CD276: variants seen among roughly 807,000 people sequenced by gnomAD.
CD276 encodes CD276 molecule, also known as CD276 antigen.
In CD276, 34 loss-of-function variants were observed where a neutral mutation model predicts 50.0. The ratio of observed to expected loss-of-function variants is 0.68; its 90% CI spans 0.52 to 0.91. The LOEUF is 0.91. Among genes scored for constraint, CD276 ranks in the 40% least tolerant of loss-of-function variants. CD276 has a pLI of 0.00. For synonymous variants in CD276, 275 were observed against 313.0 expected, an observed-to-expected ratio of 0.88 and a Z score of 1.28; for missense variants, 634 against 717.5, an observed-to-expected ratio of 0.88 and a Z score of 1.33.
In CD276 at chr15:73,704,317, C is replaced by T; in HGVS notation, c.1214C>T (p.Thr405Ile). 6.2e-7 allele frequency: 1 copy of T among 1,613,942 alleles called. No homozygotes were observed. Among genetic ancestry groups the T allele is most frequent in the Non-Finnish European group, 8.5e-7 (1 of 1,180,016 alleles). Residue 405 changes from threonine (T) to isoleucine (I), a missense_variant, in exon 6 of 10, where the codon ACT (threonine) becomes ATT (isoleucine). Coordinates refer to ENST00000318443, the MANE Select transcript of CD276 (RefSeq NM_001024736.2). The surrounding 1 kb of genome is among the most constrained non-coding windows in gnomAD (Gnocchi z 4.1). ...FWQDGQGVPL[T>I]GNVTTSQMAN... is the part of the protein sequence containing the mutation. ...CAGGATGGGCAGGGTGTGCCCCTGA[C>T]TGGCAACGTGACCACGTCGCAGATG...
chr15:73,703,973 G>T lies in CD276; in HGVS notation c.1048G>T (p.Ala350Ser). ...CFVSIRDFGS[A>S]AVSLQVAAPY... ...CGTGAGCATCCGGGATTTCGGCAGC[G>T]CTGCCGTCAGCCTGCAGGTGGCCGG... The change falls in exon 5 of 10, where the codon GCT becomes TCT. Residue 350 changes from alanine (A) to serine (S), a missense_variant. Physicochemically the swap from Ala to Ser is moderately conservative, Grantham distance 99. Transcript: ENST00000318443. 1.2e-6 allele frequency: 2 copies of T among 1,610,200 alleles called. No homozygotes were observed. Among genetic ancestry groups the T allele is most frequent in the Non-Finnish European group, 8.5e-7 (1 of 1,179,246 alleles).
At chr15:73,700,283 ACT>A (rs751196106) in intron 2 of CD276, among the ~76,000 whole-genome samples, 1 of 151,720 alleles carries the variant, frequency 6.6e-6, no homozygotes, top group Non-Finnish European at 1.5e-5. Context: ...AAACGATGTG[ACT>A]CTCCCCACAC....
chr15:73,695,031 T>G (rs187036330), intron 1 of CD276, among the ~76,000 whole-genome samples: 1 of 151,780 alleles, frequency 6.6e-6, no homozygotes, highest in African/African-American at 2.4e-5. Flanking sequence ...AGGGAGAAAA[T>G]GGGTGTAAGT....
At chr15:73,695,452 A>G (rs1386090172) in intron 1 of CD276, among the ~76,000 whole-genome samples, 2 of 152,142 alleles carry the variant, frequency 1.3e-5, no homozygotes, top group South Asian at 2.1e-4. Flanking sequence ...GGTGCCTCCA[A>G]TTCGCCCTGA....
chr15:73,699,180 C>A (rs1567016923), intron 1 of CD276, among the ~76,000 whole-genome samples: 4 of 152,172 alleles, frequency 2.6e-5, no homozygotes, highest in Admixed American at 6.5e-5. Context: ...ATACATTTCA[C>A]ACCTGTCAGC....
Position 73,713,307 on chromosome 15 carries a change from G to A in CD276, c.*351G>A, listed in dbSNP as rs1025710154. ...TCTTCCAGTGCTGCGTGGACCATCT[G>A]GCTGCCTTTTTTCTCCAAAAGATGC... On this transcript the variant is annotated 3_prime_UTR_variant, in exon 10 of 10. Transcript: ENST00000318443. 3 of 316,676 alleles carry A rather than the reference G, an allele frequency of 9.5e-6. No homozygotes were observed. In the Admixed American group the frequency reaches 1.5e-4, roughly 16 times the overall value. 19.6% of individuals were successfully genotyped at this position (316,676 alleles called of 1,614,324 possible).
intron 7 of CD276, among the ~76,000 whole-genome samples, chr15:73,708,881 G>A (rs542854325): frequency 1.3e-5 from 2 of 152,344 alleles, no homozygotes; most frequent in Admixed American, 6.5e-5. Context: ...GGGGGTGATC[G>A]TGCCTGCCTT....
At chr15:73,694,856 C>T (rs1324389763) in intron 1 of CD276, among the ~76,000 whole-genome samples, 2 of 152,172 alleles carry the variant, frequency 1.3e-5, no homozygotes, top group African/African-American at 4.8e-5. Context: ...AAGGGGAGAG[C>T]TGGGTGTGCT....
intron 2 of CD276, among the ~76,000 whole-genome samples, chr15:73,699,986 G>C (rs1194028872): frequency 6.6e-6 from 1 of 152,112 alleles, no homozygotes; most frequent in Admixed American, 6.5e-5. Flanking sequence ...CTTTCCACTT[G>C]CTCTTTCCTC....
Position 73,713,592 on chromosome 15 carries a change from A to G in CD276, c.*636A>G. 1 of 322,202 alleles carries G rather than the reference A, an allele frequency of 3.1e-6. No individual in the cohort carries two copies. Among genetic ancestry groups the G allele is most frequent in the Non-Finnish European group, 5.9e-6 (1 of 169,664 alleles). 20.0% of individuals were successfully genotyped at this position (322,202 alleles called of 1,614,324 possible). ...TTTTCCCTCCCTGCCCCAAGTGAAG[A>G]CAGGGCACTCTGCGCCCACCACATG... On this transcript the variant is annotated 3_prime_UTR_variant, in exon 10 of 10. Transcript: ENST00000318443.
intron 1 of CD276, chr15:73,690,623 AG>A (rs1225645736): frequency 4.4e-6 from 2 of 451,760 alleles, no homozygotes; most frequent in Non-Finnish European, 8.9e-6. Flanking sequence ...TTTTATCAGG[AG>A]CCCACTTTTC....
chr15:73,708,221 CAT>C (rs1176947124), intron 6 of CD276, 116 bp from the exon 7 acceptor site: 48 of 1,081,486 alleles, frequency 4.4e-5, no homozygotes, highest in Non-Finnish European at 6.0e-5. Flanking sequence ...GAGCTTTATT[CAT>C]AGTGTTAGGG....
At chr15:73,702,619 C>A in intron 3 of CD276, 26 bp downstream of exon 3, 1 of 1,589,898 alleles carries the variant, frequency 6.3e-7, no homozygotes, top group East Asian at 2.2e-5. Context: ...GGGACGCCTT[C>A]CCCTTAGTTC....
intron 2 of CD276, among the ~76,000 whole-genome samples, chr15:73,700,308 A>G (rs1191490416): frequency 6.6e-6 from 1 of 152,240 alleles, no homozygotes; most frequent in African/African-American, 2.4e-5. Flanking sequence ...TGCTTGGCAC[A>G]CAGGAAGCAC....
intron 2 of CD276, among the ~76,000 whole-genome samples, chr15:73,700,851 G>A (rs1900349700): frequency 1.8e-5 from 1 of 55,108 alleles, no homozygotes. Context: ...CATTACCGGA[G>A]AATGGTAGTG....
chr15:73,702,897 C>A lies in CD276; in HGVS notation c.544C>A (p.Gln182Lys), dbSNP rs199719127. The A allele has an allele frequency of 1.9e-6, 3 of 1,614,078 alleles. No individual in the cohort carries two copies. The highest frequency in any genetic ancestry group is 4.5e-5 in the East Asian group (2 of 44,876). ...GGCTGAGGTGTTCTGGCAGGATGGG[C>A]AGGGTGTGCCCCTGACTGGCAACGT... ...PEAEVFWQDGQGVPLTGNVTT... is the reference protein window; with the variant it reads ...PEAEVFWQDGKGVPLTGNVTT... The change falls in exon 4 of 10, where the codon CAG (glutamine) becomes AAG (lysine). Residue 182 changes from glutamine to lysine, a missense_variant. By Grantham distance (53) the Gln-to-Lys change is moderately conservative. Coordinates refer to ENST00000318443, the MANE Select transcript of CD276 (RefSeq NM_001024736.2).
chr15:73,693,884 T>G (rs1900073773), intron 1 of CD276, among the ~76,000 whole-genome samples: 4 of 123,648 alleles, frequency 3.2e-5, no homozygotes, highest in East Asian at 5.8e-4. Context: ...CAAACAGAGA[T>G]TGTGTGTATG....
At chr15:73,701,140 C>T (rs1329684737) in intron 2 of CD276, among the ~76,000 whole-genome samples, 1 of 151,712 alleles carries the variant, frequency 6.6e-6, no homozygotes, top group Non-Finnish European at 1.5e-5. Context: ...AGGTGATCCA[C>T]CTGCCTCGGC....
Position 73,713,266 on chromosome 15 carries a change from C to T in CD276, c.*310C>T. On this transcript the variant is annotated 3_prime_UTR_variant, in exon 10 of 10. Coordinates refer to ENST00000318443, the MANE Select transcript of CD276 (RefSeq NM_001024736.2). ...TTTCTTAGGGACACAGTACACTGACCACATCACCACCCTCTTCTTCCAGTG... is the reference window on the plus strand; with the variant it reads ...TTTCTTAGGGACACAGTACACTGACTACATCACCACCCTCTTCTTCCAGTG... The T allele has an allele frequency of 2.7e-6, 1 of 375,970 alleles. No individual in the cohort carries two copies. 23.3% of individuals were successfully genotyped at this position (375,970 alleles called of 1,614,324 possible). A position where few individuals can be genotyped will look rare whatever the true frequency, so the allele number is the denominator to read the frequency against.
Sources: gnomAD v4.1 joint callset for allele counts (sites outside exome capture counted in the v4.1 genomes callset) on GRCh38, gnomAD v4.1.1 for gene constraint, Gnocchi (gnomAD v3.1) non-coding constraint, MANE v1.5 for transcripts, NCBI Gene and HGNC (gene_info 2026-07-23, HGNC 2026-07-21) for gene names.